BARX2: variants seen among roughly 807,000 people sequenced by gnomAD.
BARX2 encodes homeobox protein BarH-like 2.
A neutral mutation model predicts 25.5 loss-of-function variants in BARX2; 11 were observed. That is an observed-to-expected ratio of 0.43 (90% confidence interval 0.27 to 0.71). BARX2 has a LOEUF of 0.71. BARX2 is among the 30% of genes least tolerant of loss of function. The probability of loss-of-function intolerance (pLI) is 0.19; values close to 1 mark genes in which losing one functional copy is unlikely to be tolerated. For synonymous variants in BARX2, 137 were observed against 149.5 expected (o/e 0.92, Z 0.61); for missense variants, 360 against 359.9 (o/e 1.00, Z 0.00).
At position 129,436,809 on chromosome 11, in the gene BARX2, C is replaced by T; in HGVS notation, c.246C>T (p.Val82=). The part of the protein sequence containing the change: ...LLSVITRQPT[V]ISHLVPATPG... ...CGGTGATCACCCGCCAGCCCACTGTCATCTCCCACCTGGTCCCTGCCACCC... is the reference window on the plus strand; with the variant it reads ...CGGTGATCACCCGCCAGCCCACTGTTATCTCCCACCTGGTCCCTGCCACCC... Residue 82 remains valine, a synonymous_variant, in exon 2 of 4, where the codon GTC becomes GTT. Transcript: ENST00000281437. This position sits in a 1 kb window ranked among gnomAD's most constrained non-coding sequence, Gnocchi z 4.5. The T allele has an allele frequency of 6.2e-7, 1 of 1,613,308 alleles. No individual in the cohort carries two copies. Among genetic ancestry groups the T allele is most frequent in the Non-Finnish European group, 8.5e-7 (1 of 1,179,604 alleles).
At chr11:129,406,441 T>C (rs1861831260) in intron 1 of BARX2, among the ~76,000 whole-genome samples, 1 of 152,226 alleles carries the variant, frequency 6.6e-6, no homozygotes, top group Non-Finnish European at 1.5e-5. Flanking sequence ...TATTGTTCCT[T>C]GGGTGACCTA....
At chr11:129,394,177 C>T (rs1434214161) in intron 1 of BARX2, among the ~76,000 whole-genome samples, 7 of 152,108 alleles carry the variant, frequency 4.6e-5, no homozygotes, top group Admixed American at 3.9e-4. Flanking sequence ...GCTTTTTTCT[C>T]ATAGCATTGC....
intron 1 of BARX2, among the ~76,000 whole-genome samples, chr11:129,401,975 C>A (rs1591433121): frequency 6.8e-6 from 1 of 146,236 alleles, no homozygotes. Flanking sequence ...AAAAAGCATT[C>A]AAAGAAATGA....
intron 1 of BARX2, among the ~76,000 whole-genome samples, chr11:129,434,869 A>G (rs1461675979): frequency 6.6e-6 from 1 of 152,222 alleles, no homozygotes; most frequent in Non-Finnish European, 1.5e-5. Context: ...CACTTTCAAA[A>G]TATTATTCAA....
At position 129,443,626 on chromosome 11, in the gene BARX2, A is replaced by G. The variant is rs528983642; in HGVS notation, c.573+707A>G. On this transcript the variant is annotated intron_variant, in intron 3 of 3. Coordinates refer to ENST00000281437, the MANE Select transcript of BARX2 (RefSeq NM_003658.5). ...GCCTGGTATGATGACCACAGTTTCC[A>G]TCATCCTGCTCTAGTGCCTAGCTAA... Among the ~76,000 whole-genome samples the G allele has an allele frequency of 3.9e-5, 6 of 152,326 alleles. No individual in the cohort carries two copies. In the South Asian group the frequency reaches 6.2e-4, roughly 16 times the overall value.
rs1300466907 is a variant in BARX2, at chr11:129,445,004, AAATAAAAATAAAATAAATAAATAAAT to A, written c.573+2103_573+2128del. ...CCACGGAGCAAGACTCCGTCTCAAAAAATAAAAATAAAATAAATAAATAAATAATAAAAATAAAATAAAAAACCAAG... is the reference window on the plus strand; with the variant it reads ...CCACGGAGCAAGACTCCGTCTCAAAAAATAAAAATAAAATAAAAAACCAAG... On this transcript the variant is annotated intron_variant, in intron 3 of 3. Transcript: ENST00000281437. 1.2e-4 allele frequency among the ~76,000 whole-genome samples: 18 copies of A among 150,006 alleles called. No homozygotes were observed. In the East Asian group the frequency reaches 1.7e-3, roughly 14 times the overall value.
intron 1 of BARX2, among the ~76,000 whole-genome samples, chr11:129,382,792 C>G (rs975203615): frequency 6.6e-6 from 1 of 152,122 alleles, no homozygotes; most frequent in Non-Finnish European, 1.5e-5. Flanking sequence ...ACCTTTTCCC[C>G]GAGAACTTGC....
In BARX2 at chr11:129,376,455, C is replaced by T. The variant is rs981665221; in HGVS notation, c.187+233C>T. Reference sequence around the variant, plus strand: ...GCGGCAGGGCCTTAGGAGTGGGCTGCTCGCGCAACGCCTGATTGTCCTGCT... The same window carrying T: ...GCGGCAGGGCCTTAGGAGTGGGCTGTTCGCGCAACGCCTGATTGTCCTGCT... On this transcript the variant is annotated intron_variant, in intron 1 of 3. Transcript: ENST00000281437. The surrounding 1 kb of genome is among the most constrained non-coding windows in gnomAD (Gnocchi z 4.2). Among the ~76,000 whole-genome samples, 1 of 152,202 alleles carries T rather than the reference C, an allele frequency of 6.6e-6. No individual in the cohort carries two copies. Among genetic ancestry groups the T allele is most frequent in the Non-Finnish European group, 1.5e-5 (1 of 68,052 alleles).
chr11:129,405,802 C>T (rs528450698), intron 1 of BARX2, among the ~76,000 whole-genome samples: 1 of 152,324 alleles, frequency 6.6e-6, no homozygotes, highest in African/African-American at 2.4e-5. Flanking sequence ...GCGATGTCCC[C>T]TCTGCCTAGA....
intron 1 of BARX2, among the ~76,000 whole-genome samples, chr11:129,411,371 CAAAAAAAAAA>C (rs34667411): frequency 1.9e-5 from 1 of 53,870 alleles, no homozygotes; most frequent in East Asian, 4.7e-4. Flanking sequence ...ACTCCATCTC[CAAAAAAAAAA>C]AAAAAAAAAA....
chr11:129,442,414 C>G (rs1033208015), intron 2 of BARX2, among the ~76,000 whole-genome samples: 3 of 152,118 alleles, frequency 2.0e-5, no homozygotes, highest in African/African-American at 7.2e-5. Context: ...GAGGTGGGAC[C>G]GGGGCTGGGT....
chr11:129,386,152 T>C (rs909093712), intron 1 of BARX2, among the ~76,000 whole-genome samples: 3 of 152,204 alleles, frequency 2.0e-5, no homozygotes, highest in Non-Finnish European at 4.4e-5. Flanking sequence ...GGGTACATGC[T>C]CTTGAAGGAT....
chr11:129,406,810 T>C (rs1297978257), intron 1 of BARX2, among the ~76,000 whole-genome samples: 1 of 152,192 alleles, frequency 6.6e-6, no homozygotes, highest in Non-Finnish European at 1.5e-5. Context: ...GATGATGATG[T>C]TGATGATGAC....
chr11:129,406,052 T>A (rs990544973), intron 1 of BARX2, among the ~76,000 whole-genome samples: 1 of 152,264 alleles, frequency 6.6e-6, no homozygotes, highest in Non-Finnish European at 1.5e-5. Flanking sequence ...GGTTTTTTTC[T>A]TAAACATATT....
chr11:129,375,890 T>C lies in BARX2; in HGVS notation c.-146T>C, dbSNP rs1444983413. Reference sequence around the variant, plus strand: ...CGCGGCAGGCGCGCCCGCTACCCGCTCTCCTCCGCGCGCCACCCGAGCCCC... The same window carrying C: ...CGCGGCAGGCGCGCCCGCTACCCGCCCTCCTCCGCGCGCCACCCGAGCCCC... On this transcript the variant is annotated 5_prime_UTR_variant, in exon 1 of 4. Coordinates refer to ENST00000281437, the MANE Select transcript of BARX2 (RefSeq NM_003658.5). The surrounding 1 kb of genome is among the most constrained non-coding windows in gnomAD (Gnocchi z 4.0). 2 of 257,794 alleles carry C rather than the reference T, an allele frequency of 7.8e-6. No individual in the cohort carries two copies. Among genetic ancestry groups the C allele is most frequent in the African/African-American group, 4.6e-5 (2 of 43,066 alleles). 16.0% of individuals were successfully genotyped at this position (257,794 alleles called of 1,614,324 possible).
chr11:129,391,953 G>A (rs1861670274), intron 1 of BARX2, among the ~76,000 whole-genome samples: 1 of 152,108 alleles, frequency 6.6e-6, no homozygotes, highest in Admixed American at 6.6e-5. Context: ...TTAACCTGCT[G>A]CCCATCCCTA....
At chr11:129,384,627 A>T (rs1158439255) in intron 1 of BARX2, among the ~76,000 whole-genome samples, 1 of 152,240 alleles carries the variant, frequency 6.6e-6, no homozygotes, top group Non-Finnish European at 1.5e-5. Context: ...TAACTTATAG[A>T]CAATGGAATG....
intron 1 of BARX2, among the ~76,000 whole-genome samples, chr11:129,384,724 C>A (rs1861601816): frequency 6.6e-6 from 1 of 152,186 alleles, no homozygotes. Flanking sequence ...CAGTACTTAT[C>A]CAAGGGGAGC....
At chr11:129,422,860 C>T (rs1176276645) in intron 1 of BARX2, among the ~76,000 whole-genome samples, 1 of 152,000 alleles carries the variant, frequency 6.6e-6, no homozygotes, top group Admixed American at 6.6e-5. Context: ...CCCATCACCA[C>T]ACCTAGCTAA....
Sources: allele counts gnomAD v4.1 joint callset (sites outside exome capture counted in the v4.1 genomes callset), GRCh38; gene constraint gnomAD v4.1.1; non-coding constraint Gnocchi (gnomAD v3.1); transcripts MANE v1.5; gene names NCBI Gene and HGNC (gene_info 2026-07-23, HGNC 2026-07-21).